MMP16: variants seen among roughly 807,000 people sequenced by gnomAD.
MMP16 encodes matrix metalloproteinase-16.
In MMP16, 12 loss-of-function variants were observed where a neutral mutation model predicts 67.8. The observed-to-expected ratio is 0.18, with a 90% CI of 0.11 to 0.29. The LOEUF (loss-of-function observed/expected upper bound fraction) is 0.29. Ranked by LOEUF, MMP16 falls within the 10% of genes least tolerant of loss-of-function variation. The probability of loss-of-function intolerance (pLI) is 1.00; values close to 1 mark genes in which losing one functional copy is unlikely to be tolerated. For synonymous variants in MMP16, 249 were observed against 255.9 expected (o/e 0.97, Z 0.26); for missense variants, 475 against 765.7 (o/e 0.62, Z 4.48).
chr8:88,272,694 T>C lies in MMP16; in HGVS notation c.132+54381A>G, dbSNP rs191180623. Reference sequence around the variant, plus strand: ...GTGGCCAAAACAAGATGCAGAACAATTGTGAAACCTATGTTGAAAAGGTTG... The same window carrying C: ...GTGGCCAAAACAAGATGCAGAACAACTGTGAAACCTATGTTGAAAAGGTTG... On this transcript the variant is annotated intron_variant, in intron 1 of 9. Coordinates refer to ENST00000286614, the MANE Select transcript of MMP16 (RefSeq NM_005941.5). 3.2e-3 allele frequency among the ~76,000 whole-genome samples: 491 copies of C among 152,296 alleles called. 3 individuals carry two copies. The highest frequency in any genetic ancestry group is 0.011 in the African/African-American group (469 of 41,554).
At chr8:88,163,014 T>C (rs922183075) in intron 4 of MMP16, among the ~76,000 whole-genome samples, 2 of 152,166 alleles carry the variant, frequency 1.3e-5, no homozygotes, top group Admixed American at 6.6e-5. Context: ...AGTTCAAATT[T>C]TGTAGGCCTC....
chr8:88,289,689 AACACACACACACACACACACACAC>A (rs4043664), intron 1 of MMP16, among the ~76,000 whole-genome samples: 4 of 144,162 alleles, frequency 2.8e-5, no homozygotes, highest in African/African-American at 1.0e-4. Flanking sequence ...TCCTAGAGGA[AACACACACACACACACACACACAC>A]ACACACACAC....
intron 4 of MMP16, among the ~76,000 whole-genome samples, chr8:88,136,250 T>G (rs909011762): frequency 9.2e-5 from 14 of 151,860 alleles, no homozygotes; most frequent in African/African-American, 2.9e-4. Flanking sequence ...CCTGGAAAAC[T>G]CCAGTTGAGA....
At chr8:88,210,421 G>A (rs1013234754) in intron 1 of MMP16, among the ~76,000 whole-genome samples, 1 of 152,134 alleles carries the variant, frequency 6.6e-6, no homozygotes, top group Non-Finnish European at 1.5e-5. Context: ...ACAAGGGCTC[G>A]CTAAGTGGGG....
chr8:88,286,015 G>A (rs1353941901), intron 1 of MMP16, among the ~76,000 whole-genome samples: 3 of 152,184 alleles, frequency 2.0e-5, no homozygotes, highest in Non-Finnish European at 4.4e-5. Flanking sequence ...TTTGGGTTGA[G>A]TGTATCATTC....
chr8:88,323,227 A>C lies in MMP16; in HGVS notation c.132+3848T>G, dbSNP rs527596739. Among the ~76,000 whole-genome samples, 3 of 152,328 alleles carry C rather than the reference A, an allele frequency of 2.0e-5. No individual in the cohort carries two copies. In the East Asian group the frequency reaches 5.8e-4, roughly 29 times the overall value. ...AAAAGCAACAGTGTCCCAACATAAG[A>C]ATGTAAAATTCTATAAAATATAATT... On this transcript the variant is annotated intron_variant, in intron 1 of 9. Coordinates refer to ENST00000286614, the MANE Select transcript of MMP16 (RefSeq NM_005941.5).
At chr8:88,302,928 AC>A (rs1459260902) in intron 1 of MMP16, among the ~76,000 whole-genome samples, 1 of 152,126 alleles carries the variant, frequency 6.6e-6, no homozygotes, top group African/African-American at 2.4e-5. Context: ...AGGAACTCCC[AC>A]CCCCAGCCAA....
At chr8:88,156,549 T>A (rs747575821) in intron 4 of MMP16, among the ~76,000 whole-genome samples, 1 of 152,152 alleles carries the variant, frequency 6.6e-6, no homozygotes, top group Non-Finnish European at 1.5e-5. Context: ...GTTTACATTG[T>A]AAGAAATTTA....
At chr8:88,228,230 TA>T (rs1276721786) in intron 1 of MMP16, among the ~76,000 whole-genome samples, 17 of 152,244 alleles carry the variant, frequency 1.1e-4, no homozygotes, top group African/African-American at 3.8e-4. Context: ...TCAAGAGCTT[TA>T]ATTTGTTCAT....
intron 3 of MMP16, among the ~76,000 whole-genome samples, chr8:88,183,412 C>T (rs999046311): frequency 1.3e-5 from 2 of 152,146 alleles, no homozygotes; most frequent in Non-Finnish European, 2.9e-5. Flanking sequence ...TGTTTTTAGG[C>T]TGACTATATT....
intron 1 of MMP16, among the ~76,000 whole-genome samples, chr8:88,269,674 A>G (rs1810534782): frequency 6.6e-6 from 1 of 152,072 alleles, no homozygotes; most frequent in Non-Finnish European, 1.5e-5. Context: ...ATAATCAATG[A>G]CCCAATAACT....
intron 6 of MMP16, among the ~76,000 whole-genome samples, chr8:88,106,427 A>G (rs910327937): frequency 6.6e-6 from 1 of 151,392 alleles, no homozygotes; most frequent in Middle Eastern, 3.4e-3. Context: ...GGACATTTAC[A>G]TTGTTTCCAG....
In MMP16 at chr8:88,036,892, A is replaced by G. The variant is rs186832313; in HGVS notation, c.*4569T>C. On this transcript the variant is annotated 3_prime_UTR_variant, in exon 10 of 10. Coordinates refer to ENST00000286614, the MANE Select transcript of MMP16 (RefSeq NM_005941.5). ...CCAGAAGATTGTTTCAGTATATACT[A>G]CAATCTCACAGACTCAATACTACCA... The G allele has an allele frequency of 6.6e-6, 1 of 151,836 alleles. No homozygotes were observed. Among genetic ancestry groups the G allele is most frequent in the Non-Finnish European group, 1.5e-5 (1 of 67,738 alleles). The allele number at this position is 151,836 out of a possible 1,614,324, so 9.4% of individuals were successfully genotyped here.
intron 4 of MMP16, among the ~76,000 whole-genome samples, chr8:88,144,918 G>C (rs980297487): frequency 1.3e-5 from 2 of 151,964 alleles, no homozygotes; most frequent in African/African-American, 4.8e-5. Context: ...GTCAGATGGA[G>C]TTAACAGAAT....
intron 4 of MMP16, among the ~76,000 whole-genome samples, chr8:88,162,945 T>G (rs994388626): frequency 6.6e-6 from 1 of 152,048 alleles, no homozygotes; most frequent in Non-Finnish European, 1.5e-5. Flanking sequence ...AGGTAGTTCT[T>G]TATATCAGTG....
At chr8:88,289,457 C>T (rs1471603967) in intron 1 of MMP16, among the ~76,000 whole-genome samples, 1 of 152,002 alleles carries the variant, frequency 6.6e-6, no homozygotes, top group African/African-American at 2.4e-5. Context: ...ATCAGAGGAC[C>T]ATTGTGAGGA....
chr8:88,315,282 T>C (rs2130074834), intron 1 of MMP16, among the ~76,000 whole-genome samples: 1 of 152,328 alleles, frequency 6.6e-6, no homozygotes, highest in South Asian at 2.1e-4. Context: ...TTTTGGTAAT[T>C]CTCACAATAT....
At chr8:88,169,624 T>C (rs1168901101) in intron 3 of MMP16, among the ~76,000 whole-genome samples, 1 of 152,186 alleles carries the variant, frequency 6.6e-6, no homozygotes, top group Non-Finnish European at 1.5e-5. Context: ...GTAAATATTA[T>C]TCATTACATA....
chr8:88,213,712 C>G (rs1223318554), intron 1 of MMP16, among the ~76,000 whole-genome samples: 2 of 152,130 alleles, frequency 1.3e-5, no homozygotes, highest in Non-Finnish European at 2.9e-5. Flanking sequence ...GCCTATGGCC[C>G]TGAGGCTAGG....
Sources: allele counts gnomAD v4.1 joint callset (sites outside exome capture counted in the v4.1 genomes callset), GRCh38; gene constraint gnomAD v4.1.1; transcripts MANE v1.5; gene names NCBI Gene and HGNC (gene_info 2026-07-23, HGNC 2026-07-21).